ZDHHC8: variants seen among roughly 807,000 people sequenced by gnomAD.
The protein encoded by ZDHHC8 is zDHHC palmitoyltransferase 8, also known as palmitoyltransferase ZDHHC8.
Under a neutral mutation model 61.2 loss-of-function variants are expected in ZDHHC8, and 24 were observed. That is an observed-to-expected ratio of 0.39 (90% CI 0.28 to 0.55). The LOEUF (loss-of-function observed/expected upper bound fraction) is 0.55, where lower values mean the gene tolerates loss of function less well. Ranked by LOEUF, ZDHHC8 falls within the 20% of genes least tolerant of loss-of-function variation. The probability of loss-of-function intolerance (pLI) is 0.60; values close to 1 mark genes in which losing one functional copy is unlikely to be tolerated. For synonymous variants in ZDHHC8, 523 were observed against 492.5 expected (o/e 1.06, Z -0.82); for missense variants, 935 against 1,102.1 (o/e 0.85, Z 2.15).
At chr22:20,134,629 G>A (rs899110171) in intron 1 of ZDHHC8, among the ~76,000 whole-genome samples, 3 of 152,236 alleles carry the variant, frequency 2.0e-5, no homozygotes, top group Non-Finnish European at 4.4e-5. Context: ...AGTGGCCCCA[G>A]CCCCCTCTCT....
chr22:20,133,870 C>T (rs1167237631), intron 1 of ZDHHC8, among the ~76,000 whole-genome samples: 4 of 152,218 alleles, frequency 2.6e-5, no homozygotes, highest in African/African-American at 9.6e-5. Flanking sequence ...GCGTCTGCAG[C>T]CTGGCTGTGT....
chr22:20,144,483 C>T (rs1293905116), intron 10 of ZDHHC8, among the ~76,000 whole-genome samples: 1 of 152,258 alleles, frequency 6.6e-6, no homozygotes, highest in Non-Finnish European at 1.5e-5. Context: ...GCCTGGAAAC[C>T]TCAAGCACAG....
At position 20,131,903 on chromosome 22, in the gene ZDHHC8, T is replaced by C. The variant is rs2148000511; in HGVS notation, c.-45T>C. On this transcript the variant is annotated 5_prime_UTR_variant, in exon 1 of 11. Transcript: ENST00000334554. ...ACCCCGGCCCGACCCCGGCCGGCCC[T>C]GCCCGCCCGGCCCCGGGGAGGGATG... is the stretch of plus-strand genomic sequence containing the variant. 5.4e-6 allele frequency: 3 copies of C among 553,250 alleles called. No homozygotes were observed. The highest frequency in any genetic ancestry group is 2.1e-5 in the African/African-American group (1 of 47,510). 34.3% of individuals were successfully genotyped at this position (553,250 alleles called of 1,614,324 possible).
intron 1 of ZDHHC8, among the ~76,000 whole-genome samples, chr22:20,138,219 C>T (rs573465248): frequency 4.6e-5 from 7 of 152,330 alleles, no homozygotes; most frequent in East Asian, 1.9e-4. Context: ...ACTAGCCCCC[C>T]GACTATGCAG....
rs377763846 is a variant in ZDHHC8, at chr22:20,145,985, G to A, written c.*585G>A. On this transcript the variant is annotated 3_prime_UTR_variant, in exon 11 of 11. Coordinates refer to ENST00000334554, the MANE Select transcript of ZDHHC8 (RefSeq NM_013373.4). ...GGTGGTGGTGGATAGGTGGACAGAC[G>A]GCCAGCCAGCCAGCTGTGGCCGGGG... 58 of 985,822 alleles carry A rather than the reference G, an allele frequency of 5.9e-5. No homozygotes were observed. The African/African-American group carries it at 8.4e-4, about 14-fold the overall frequency. 61.1% of individuals were successfully genotyped at this position (985,822 alleles called of 1,614,324 possible).
chr22:20,144,787 C>A (rs907238275), intron 10 of ZDHHC8, among the ~76,000 whole-genome samples: 1 of 152,216 alleles, frequency 6.6e-6, no homozygotes, highest in Non-Finnish European at 1.5e-5. Flanking sequence ...AGCAAAGATA[C>A]AGCTGCTGTT....
rs1909825348 is a variant in ZDHHC8 at position 20,141,275 on chromosome 22, C to T, written c.953C>T (p.Pro318Leu). 1 of 1,612,758 alleles carries T rather than the reference C, an allele frequency of 6.2e-7. No homozygotes were observed. The highest frequency in any genetic ancestry group is 1.7e-5 in the Admixed American group (1 of 59,984). Reference sequence around the variant, plus strand: ...CCACTGGACTTGGGGCCACCACTGCCCCCCAAGATAGAGGCTGGCACGTTC... The same window carrying T: ...CCACTGGACTTGGGGCCACCACTGCTCCCCAAGATAGAGGCTGGCACGTTC... ...EKPLDLGPPL[P>L]PKIEAGTFSS... The change falls in exon 8 of 11, where the codon CCC becomes CTC. Residue 318 changes from proline (P) to leucine (L), a missense_variant. Physicochemically the swap from Pro to Leu is moderately conservative, Grantham distance 98 (BLOSUM62 -3). Coordinates refer to ENST00000334554, the MANE Select transcript of ZDHHC8 (RefSeq NM_013373.4).
chr22:20,135,762 A>G (rs1402976773), intron 1 of ZDHHC8, among the ~76,000 whole-genome samples: 1 of 152,176 alleles, frequency 6.6e-6, no homozygotes, highest in Non-Finnish European at 1.5e-5. Context: ...CCAGGTGTCT[A>G]TAGGGATTGG....
At position 20,143,054 on chromosome 22, in the gene ZDHHC8, G is replaced by T; in HGVS notation, c.1424G>T (p.Gly475Val). 1 of 1,612,476 alleles carries T rather than the reference G, an allele frequency of 6.2e-7. No homozygotes were observed. Residue 475 changes from glycine (G) to valine (V), a missense_variant, in exon 10 of 11, where the codon GGC becomes GTC. Around this residue, in one of 3 missense-constraint regions of ZDHHC8, gnomAD observed 692 missense variants for 731.4 expected, o/e 0.95. Transcript: ENST00000334554. ...CCCCATGCACTGCCCAACCGCAACG[G>T]CAGCCTGTCCTATGACAGCCTGCTC... ...FAPHALPNRNGSLSYDSLLNP... is the reference protein window; with the variant it reads ...FAPHALPNRNVSLSYDSLLNP...
Position 20,147,038 on chromosome 22 carries a change from G to A in ZDHHC8, c.*1638G>A. 1 of 1,440,568 alleles carries A rather than the reference G, an allele frequency of 6.9e-7. No homozygotes were observed. The allele number at this position is 1,440,568 out of a possible 1,614,324, so 89.2% of individuals were successfully genotyped here. ...GCCCGCAGGGGGCGGATTGGCACCT[G>A]CACCCGTGGATGGGGGCGGCGTGGC... is the stretch of plus-strand genomic sequence containing the variant. On this transcript the variant is annotated 3_prime_UTR_variant, in exon 11 of 11. Coordinates refer to ENST00000334554, the MANE Select transcript of ZDHHC8 (RefSeq NM_013373.4).
intron 1 of ZDHHC8, among the ~76,000 whole-genome samples, chr22:20,134,230 G>A (rs1243495593): frequency 6.6e-6 from 1 of 152,240 alleles, no homozygotes; most frequent in Non-Finnish European, 1.5e-5. Flanking sequence ...ACCTAGCAAG[G>A]CTAAGAAGCC....
chr22:20,134,584 T>C (rs2050404848), intron 1 of ZDHHC8, among the ~76,000 whole-genome samples: 1 of 152,212 alleles, frequency 6.6e-6, no homozygotes, highest in Non-Finnish European at 1.5e-5. Flanking sequence ...GGTTCCCGAC[T>C]TCACTGTTTG....
At chr22:20,133,931 C>T (rs950520574) in intron 1 of ZDHHC8, among the ~76,000 whole-genome samples, 5 of 152,276 alleles carry the variant, frequency 3.3e-5, no homozygotes, top group East Asian at 3.9e-4. Context: ...GGGCCCTTTA[C>T]GTGACTCTGA....
At chr22:20,137,710 C>T (rs1194401159) in intron 1 of ZDHHC8, among the ~76,000 whole-genome samples, 2 of 152,244 alleles carry the variant, frequency 1.3e-5, no homozygotes, top group African/African-American at 4.8e-5. Flanking sequence ...CTGCCTGTGC[C>T]CATCTTGTTG....
intron 1 of ZDHHC8, among the ~76,000 whole-genome samples, chr22:20,134,134 C>T (rs749442742): frequency 3.3e-5 from 5 of 152,252 alleles, no homozygotes; most frequent in Admixed American, 6.5e-5. Context: ...TGACCTCTGC[C>T]GGCCCTGCTC....
At position 20,143,441 on chromosome 22, in the gene ZDHHC8, A is replaced by C; in HGVS notation, c.1811A>C (p.Tyr604Ser). The C allele has an allele frequency of 6.2e-7, 1 of 1,600,662 alleles. No homozygotes were observed. Among genetic ancestry groups the C allele is most frequent in the Non-Finnish European group, 8.5e-7 (1 of 1,179,228 alleles). Reference sequence around the variant, plus strand: ...GGCCCCCGAGGTCCCGCGCTGCGCTATGGCTCCAGAGACGACCTTGTGGCT... The same window carrying C: ...GGCCCCCGAGGTCCCGCGCTGCGCTCTGGCTCCAGAGACGACCTTGTGGCT... ...SEGPRGPALRYGSRDDLVAGP... is the reference protein window; with the variant it reads ...SEGPRGPALRSGSRDDLVAGP... The change falls in exon 10 of 11, where the codon TAT (tyrosine) becomes TCT (serine). Residue 604 changes from tyrosine to serine, a missense_variant. By Grantham distance (144) the Tyr-to-Ser change is moderately radical. Around this residue, in one of 3 missense-constraint regions of ZDHHC8, gnomAD observed 692 missense variants for 731.4 expected, o/e 0.95. Coordinates refer to ENST00000334554, the MANE Select transcript of ZDHHC8 (RefSeq NM_013373.4).
chr22:20,145,125 T>C, intron 10 of ZDHHC8, 104 bp from the exon 11 acceptor site: 1 of 1,104,920 alleles, frequency 9.1e-7, no homozygotes, highest in Non-Finnish European at 1.2e-6. Context: ...TCGGCTGCAC[T>C]AGTCCACGTC....
intron 1 of ZDHHC8, among the ~76,000 whole-genome samples, chr22:20,133,654 G>A (rs1271978311): frequency 2.0e-5 from 3 of 149,512 alleles, no homozygotes; most frequent in African/African-American, 7.4e-5. Flanking sequence ...ACTTGAACCC[G>A]TAAGGCGGAG....
intron 1 of ZDHHC8, among the ~76,000 whole-genome samples, chr22:20,132,733 C>T (rs1337682971): frequency 6.6e-6 from 1 of 152,256 alleles, no homozygotes; most frequent in African/African-American, 2.4e-5. Flanking sequence ...GAGCCCGCGC[C>T]TGCAGGACAC....
Sources: gnomAD v4.1 joint callset for allele counts (sites outside exome capture counted in the v4.1 genomes callset) on GRCh38, gnomAD v4.1.1 for gene constraint, gnomAD v4.1.1 regional missense constraint, MANE v1.5 for transcripts, NCBI Gene and HGNC (gene_info 2026-07-23, HGNC 2026-07-21) for gene names.